The following MAMSTR variants were observed in gnomAD, a reference collection of about 807,000 sequenced individuals.
MAMSTR encodes the protein MEF2 activating motif and SAP domain containing transcriptional regulator.
Under a neutral mutation model 42.7 loss-of-function variants are expected in MAMSTR, and 41 were observed. The observed-to-expected ratio is 0.96, with a 90% confidence interval of 0.75 to 1.25. The LOEUF is 1.25. MAMSTR is among the 50% of genes most tolerant of loss of function. The pLI is 0.00. For synonymous variants in MAMSTR, 265 were observed against 244.1 expected (o/e 1.09, Z -0.80); for missense variants, 567 against 557.6 (o/e 1.02, Z -0.17).
chr19:48,713,244 GTC>G lies in MAMSTR; in HGVS notation c.*21_*22del, dbSNP rs779689325. The G allele has an allele frequency of 1.3e-6, 2 of 1,561,814 alleles. No homozygotes were observed. The highest frequency in any genetic ancestry group is 1.7e-6 in the Non-Finnish European group (2 of 1,159,220). ...TTCTCTCCACCCCCATCAGTTCTCTGTCTCTGTAAATCCTAGAATCCATCACC... is the reference window on the plus strand; with the variant it reads ...TTCTCTCCACCCCCATCAGTTCTCTGTCTGTAAATCCTAGAATCCATCACC... On this transcript the variant is annotated 3_prime_UTR_variant, in exon 10 of 10. Transcript: ENST00000318083.
chr19:48,710,433 TTTTTG>T (rs2032705384), downstream of MAMSTR, among the ~76,000 whole-genome samples: 2 of 120,708 alleles, frequency 1.7e-5, no homozygotes, highest in African/African-American at 2.7e-5. Flanking sequence ...TTTTTTTTTT[TTTTTG>T]AAACACAGGA....
At position 48,719,143 on chromosome 19, in the gene MAMSTR, G is replaced by C. The variant is rs2033161854; in HGVS notation, c.-21-91C>G. On this transcript the variant is annotated intron_variant, in intron 1 of 9. Coordinates refer to ENST00000318083, the MANE Select transcript of MAMSTR (RefSeq NM_001130915.2). This position sits in a 1 kb window ranked among gnomAD's most constrained non-coding sequence, Gnocchi z 4.4. The stretch of plus-strand genomic sequence containing the variant: ...CGCCCCTGAGAGTGAATTCAGCAGG[G>C]AAAGGGCCCGAAGGAGGTGGGAATA... 2 of 869,450 alleles carry C rather than the reference G, an allele frequency of 2.3e-6. No individual in the cohort carries two copies. The highest frequency in any genetic ancestry group is 1.4e-5 in the South Asian group (1 of 69,798). The allele number at this position is 869,450 out of a possible 1,614,324, so 53.9% of individuals were successfully genotyped here.
rs766736260 is a variant in MAMSTR, at chr19:48,714,443, G to T, written c.646C>A (p.Arg216Ser). ...APPRERPKPR[R>S]EDSPAGAPWP... Reference sequence around the variant, plus strand: ...GGAGCACCCGCGGGACTGTCCTCGCGCCGCGGCTTCGGCCGCTCGCGGGGC... The same window carrying T: ...GGAGCACCCGCGGGACTGTCCTCGCTCCGCGGCTTCGGCCGCTCGCGGGGC... The change falls in exon 7 of 10, where the codon CGC (arginine) becomes AGC (serine). Residue 216 changes from arginine to serine, a missense_variant. By Grantham distance (110) the Arg-to-Ser change is moderately radical (BLOSUM62 -1). Transcript: ENST00000318083. 2.2e-5 allele frequency: 30 copies of T among 1,365,326 alleles called. No homozygotes were observed. The highest frequency in any genetic ancestry group is 6.1e-5 in the African/African-American group (4 of 65,498). 84.6% of individuals were successfully genotyped at this position (1,365,326 alleles called of 1,614,324 possible). A position where few individuals can be genotyped will look rare whatever the true frequency, so the allele number is the denominator to read the frequency against.
chr19:48,717,044 C>T (rs568296122), intron 2 of MAMSTR: 61 of 1,032,782 alleles, frequency 5.9e-5, no homozygotes, highest in Middle Eastern at 8.3e-4. Flanking sequence ...CGTGTGCCCA[C>T]CCCACCCCCT....
chr19:48,719,141 G>T lies in MAMSTR; in HGVS notation c.-21-89C>A. The T allele has an allele frequency of 1.1e-6, 1 of 900,016 alleles. No homozygotes were observed. Among genetic ancestry groups the T allele is most frequent in the Non-Finnish European group, 1.8e-6 (1 of 567,372 alleles). The allele number at this position is 900,016 out of a possible 1,614,324, so 55.8% of individuals were successfully genotyped here. Reference sequence around the variant, plus strand: ...GCCGCCCCTGAGAGTGAATTCAGCAGGGAAAGGGCCCGAAGGAGGTGGGAA... The same window carrying T: ...GCCGCCCCTGAGAGTGAATTCAGCATGGAAAGGGCCCGAAGGAGGTGGGAA... On this transcript the variant is annotated intron_variant, in intron 1 of 9. Coordinates refer to ENST00000318083, the MANE Select transcript of MAMSTR (RefSeq NM_001130915.2). This position sits in a 1 kb window ranked among gnomAD's most constrained non-coding sequence, Gnocchi z 4.4.
Position 48,713,159 on chromosome 19 carries a change from G to T in MAMSTR, c.*108C>A. ...GCAGGTGGGGTTGGAGGTTGTCTCC[G>T]ATCCTGTGTCTGCGGTAGGAGGGGC... is the stretch of plus-strand genomic sequence containing the variant. On this transcript the variant is annotated 3_prime_UTR_variant, in exon 10 of 10. Coordinates refer to ENST00000318083, the MANE Select transcript of MAMSTR (RefSeq NM_001130915.2). The T allele has an allele frequency of 8.8e-7, 1 of 1,133,974 alleles. No homozygotes were observed. Among genetic ancestry groups the T allele is most frequent in the Non-Finnish European group, 1.2e-6 (1 of 828,174 alleles). The allele number at this position is 1,133,974 out of a possible 1,614,324, so 70.2% of individuals were successfully genotyped here. A position where few individuals can be genotyped will look rare whatever the true frequency, so the allele number is the denominator to read the frequency against.
chr19:48,712,276 T>G (rs2032744407), downstream of MAMSTR, among the ~76,000 whole-genome samples: 1 of 152,160 alleles, frequency 6.6e-6, no homozygotes, highest in Non-Finnish European at 1.5e-5. Context: ...CTCCACAACT[T>G]AATTTGTGCT....
chr19:48,706,008 T>C, the MAMSTR span: 6 of 152,744 alleles, frequency 3.9e-5, no homozygotes, highest in Non-Finnish European at 8.8e-5. Context: ...AAAATACATC[T>C]TAGGCCAGGC....
chr19:48,708,895 TCAGA>T (rs2032689706), downstream of MAMSTR, among the ~76,000 whole-genome samples: 1 of 151,610 alleles, frequency 6.6e-6, no homozygotes, highest in East Asian at 1.9e-4. Flanking sequence ...AGAGGGCAAA[TCAGA>T]CAGAGAACAG....
intron 2 of MAMSTR, 72 bp from the exon 3 acceptor site, chr19:48,716,815 G>T: frequency 1.6e-6 from 2 of 1,263,968 alleles, no homozygotes; most frequent in Non-Finnish European, 2.0e-6. Context: ...CTGGCAGGCT[G>T]GTGGGAGCTG....
chr19:48,707,855 GAAA>G (rs1301062498), downstream of MAMSTR, among the ~76,000 whole-genome samples: 2,356 of 99,640 alleles, frequency 0.024, 77 homozygotes, highest in African/African-American at 0.083. Flanking sequence ...AAGAAAGAAA[GAAA>G]GAAAGAAAGA....
intron 2 of MAMSTR, chr19:48,717,049 C>T: frequency 3.9e-6 from 4 of 1,013,866 alleles, no homozygotes; most frequent in East Asian, 5.9e-5. Flanking sequence ...GCCCACCCCA[C>T]CCCCTGCGCA....
At position 48,713,223 on chromosome 19, in the gene MAMSTR, C is replaced by G. The variant is rs759958885; in HGVS notation, c.*44G>C. On this transcript the variant is annotated 3_prime_UTR_variant, in exon 10 of 10. Coordinates refer to ENST00000318083, the MANE Select transcript of MAMSTR (RefSeq NM_001130915.2). Reference sequence around the variant, plus strand: ...CCCTCTCCTCCCACAAGGAGCTTCTCTCCACCCCCATCAGTTCTCTGTCTC... The same window carrying G: ...CCCTCTCCTCCCACAAGGAGCTTCTGTCCACCCCCATCAGTTCTCTGTCTC... The G allele has an allele frequency of 6.6e-7, 1 of 1,526,394 alleles. No individual in the cohort carries two copies. Among genetic ancestry groups the G allele is most frequent in the Non-Finnish European group, 8.8e-7 (1 of 1,138,312 alleles). 94.6% of individuals were successfully genotyped at this position (1,526,394 alleles called of 1,614,324 possible).
downstream of MAMSTR, among the ~76,000 whole-genome samples, chr19:48,710,598 T>A (rs2032708066): frequency 2.2e-5 from 1 of 46,400 alleles, no homozygotes; most frequent in Admixed American, 2.7e-4. Context: ...TGAAACCTAT[T>A]TTTTTTTTTT....
downstream of MAMSTR, among the ~76,000 whole-genome samples, chr19:48,711,081 T>G (rs567627929): frequency 2.6e-4 from 39 of 152,274 alleles, no homozygotes; most frequent in African/African-American, 9.4e-4. Context: ...GTCCCTGATA[T>G]TCACAGATTT....
At chr19:48,713,595 C>T (rs1328201460) in intron 9 of MAMSTR, 45 bp from the exon 10 acceptor site, 2 of 1,596,938 alleles carry the variant, frequency 1.3e-6, no homozygotes, top group African/African-American at 1.3e-5. Context: ...GTCAGGGGTC[C>T]GGGCGCCAGC....
Position 48,715,390 on chromosome 19 carries a change from T to G in MAMSTR, c.297A>C (p.Thr99=). ...GCTCTGGGGGCATGTACTGGTGGTA[T>G]GTCAAGTTCCCCCTGGGCTTGGACT... ...WRESKPRGNL[T]YHQYMPPEPR... is the part of the protein sequence containing the mutation. The change falls in exon 5 of 10, where the codon ACA becomes ACC. Residue 99 remains threonine (T), a synonymous_variant. Transcript: ENST00000318083. 6.6e-7 allele frequency: 1 copy of G among 1,523,770 alleles called. No individual in the cohort carries two copies. The highest frequency in any genetic ancestry group is 1.3e-5 in the South Asian group (1 of 79,098). The allele number at this position is 1,523,770 out of a possible 1,614,324, so 94.4% of individuals were successfully genotyped here.
In MAMSTR at chr19:48,713,150, G is replaced by A. The variant is rs1212626693; in HGVS notation, c.*117C>T. The A allele has an allele frequency of 1.9e-6, 2 of 1,026,492 alleles. No homozygotes were observed. The highest frequency in any genetic ancestry group is 2.7e-6 in the Non-Finnish European group (2 of 736,530). 63.6% of individuals were successfully genotyped at this position (1,026,492 alleles called of 1,614,324 possible). ...CTTCAGGAGGCAGGTGGGGTTGGAGGTTGTCTCCGATCCTGTGTCTGCGGT... is the reference window on the plus strand; with the variant it reads ...CTTCAGGAGGCAGGTGGGGTTGGAGATTGTCTCCGATCCTGTGTCTGCGGT... On this transcript the variant is annotated 3_prime_UTR_variant, in exon 10 of 10. Transcript: ENST00000318083.
At chr19:48,706,160 A>T in the MAMSTR span, among the ~76,000 whole-genome samples, 1 of 149,334 alleles carries the variant, frequency 6.7e-6, no homozygotes, top group Non-Finnish European at 1.5e-5. Context: ...GGTGGTGCAG[A>T]CCTGTAGTCC....
Sources: gnomAD v4.1 joint callset for allele counts (sites outside exome capture counted in the v4.1 genomes callset) on GRCh38, gnomAD v4.1.1 for gene constraint, Gnocchi (gnomAD v3.1) non-coding constraint, MANE v1.5 for transcripts, NCBI Gene and HGNC (gene_info 2026-07-23, HGNC 2026-07-21) for gene names.